The following HEATR1 variants were observed in gnomAD, a reference collection of about 807,000 sequenced individuals.
HEATR1 encodes HEAT repeat containing 1, also known as HEAT repeat-containing protein 1.
A neutral mutation model predicts 248.2 loss-of-function variants in HEATR1; 77 were observed. The observed-to-expected ratio is 0.31, with a 90% confidence interval of 0.26 to 0.37. The LOEUF is 0.37. Among genes scored for constraint, HEATR1 ranks in the 10% least tolerant of loss-of-function variants. The probability of loss-of-function intolerance (pLI) is 1.00; values close to 1 mark genes in which losing one functional copy is unlikely to be tolerated. For missense variants in HEATR1, 2,420 were observed against 2,504.9 expected, an observed-to-expected ratio of 0.97 and a Z score of 0.72; for synonymous variants, 897 against 923.1, an observed-to-expected ratio of 0.97 and a Z score of 0.51.
intron 20 of HEATR1, among the ~76,000 whole-genome samples, chr1:236,580,541 G>A (rs1663693661): frequency 2.0e-5 from 2 of 97,622 alleles, no homozygotes; most frequent in South Asian, 2.9e-4. Flanking sequence ...TTTTGAGACA[G>A]GGTCTTGCTC....
At chr1:236,551,120 T>C (rs1252066704) in intron 44 of HEATR1, 130 bp from the exon 45 acceptor site, 2 of 739,058 alleles carry the variant, frequency 2.7e-6, no homozygotes, top group Non-Finnish European at 4.3e-6. Context: ...ATGAAGCACA[T>C]TAACAAAGCA....
chr1:236,559,019 T>C lies in HEATR1; in HGVS notation c.4887A>G (p.Gln1629=). 2 of 1,610,818 alleles carry C rather than the reference T, an allele frequency of 1.2e-6. No individual in the cohort carries two copies. Among genetic ancestry groups the C allele is most frequent in the Non-Finnish European group, 1.7e-6 (2 of 1,179,166 alleles). The part of the protein sequence containing the change: ...ALDLLNNKLQ[Q]NISWKKTIVT... ...CTATTGTCTTCTTCCAGGATATATT[T>C]TGCTGCAGCTTGTTATTCAAAAGGT... is the stretch of plus-strand genomic sequence containing the variant. The change falls in exon 35 of 45, where the codon CAA becomes CAG. Residue 1629 remains glutamine (Q), a synonymous_variant. Coordinates refer to ENST00000366582, the MANE Select transcript of HEATR1 (RefSeq NM_018072.6).
At chr1:236,582,679 A>T (rs1663784445) in intron 19 of HEATR1, 57 bp downstream of exon 19, 3 of 1,587,648 alleles carry the variant, frequency 1.9e-6, no homozygotes, top group Admixed American at 3.4e-5. Flanking sequence ...CTGGGATTGC[A>T]GGCCAGCCAT....
At chr1:236,585,482 G>A (rs16833991) in intron 16 of HEATR1, among the ~76,000 whole-genome samples, 2,581 of 152,120 alleles carry the variant, frequency 0.017, 15 homozygotes, top group Middle Eastern at 0.075. Context: ...ATAAGGCAAA[G>A]ATAATTTTCT....
intron 4 of HEATR1, 101 bp downstream of exon 4, chr1:236,599,382 T>A (rs1214848342): frequency 1.2e-6 from 1 of 827,088 alleles, no homozygotes; most frequent in Admixed American, 3.2e-5. Context: ...TGGAGGTAGT[T>A]ATCTGGACTA....
rs1663462728 is a variant in HEATR1, at chr1:236,572,801, T to C, written c.3487A>G (p.Ile1163Val). 6.2e-7 allele frequency: 1 copy of C among 1,613,978 alleles called. No homozygotes were observed. The highest frequency in any genetic ancestry group is 8.5e-7 in the Non-Finnish European group (1 of 1,179,850). Residue 1163 changes from isoleucine to valine, a missense_variant, in exon 25 of 45, where the codon ATA (isoleucine) becomes GTA (valine). By Grantham distance (29) the Ile-to-Val change is conservative (BLOSUM62 3). Transcript: ENST00000366582. Reference sequence around the variant, plus strand: ...GCTTTATCTGGTGGCTCCAGTTCTATTCGGACTTGTTCAGCATTAACGGAA... The same window carrying C: ...GCTTTATCTGGTGGCTCCAGTTCTACTCGGACTTGTTCAGCATTAACGGAA... ...GISVNAEQVR[I>V]ELEPPDKAKP... is the part of the protein sequence containing the mutation.
At chr1:236,601,830 T>C (rs1553286589) in intron 3 of HEATR1, among the ~76,000 whole-genome samples, 1 of 144,658 alleles carries the variant, frequency 6.9e-6, no homozygotes, top group Non-Finnish European at 1.5e-5. Context: ...TGACACTCAA[T>C]AAAATAAAAA....
Position 236,602,217 on chromosome 1 carries a change from ATAAAC to A in HEATR1, c.359+938_359+942del, listed in dbSNP as rs1194322839. ...TGATGTGACACCAATATGTGAGAAA[ATAAAC>A]TAAGCTTACTGAGACAATTCCCAAA... On this transcript the variant is annotated intron_variant, in intron 3 of 44. Coordinates refer to ENST00000366582, the MANE Select transcript of HEATR1 (RefSeq NM_018072.6). Among the ~76,000 whole-genome samples, 7 of 152,360 alleles carry A rather than the reference ATAAAC, an allele frequency of 4.6e-5. 1 individual carries two copies. In the East Asian group the frequency reaches 1.3e-3, roughly 29 times the overall value.
rs1206634664 is a variant in HEATR1, at chr1:236,549,298, T to G, written c.*1604A>C. 1.2e-5 allele frequency: 3 copies of G among 244,686 alleles called. No homozygotes were observed. Among genetic ancestry groups the G allele is most frequent in the South Asian group, 3.6e-4 (2 of 5,622 alleles). The allele number at this position is 244,686 out of a possible 1,614,324, so 15.2% of individuals were successfully genotyped here. A position where few individuals can be genotyped will look rare whatever the true frequency, so the allele number is the denominator to read the frequency against. On this transcript the variant is annotated 3_prime_UTR_variant, in exon 45 of 45. Transcript: ENST00000366582. ...TTCCATTTCTGTGATTTTTCTATTA[T>G]TTGAGGGGAGTTGGCAGAAGTTCCA... is the stretch of plus-strand genomic sequence containing the variant.
chr1:236,580,392 A>G (rs922112617), intron 20 of HEATR1, among the ~76,000 whole-genome samples: 1 of 152,316 alleles, frequency 6.6e-6, no homozygotes, highest in Non-Finnish European at 1.5e-5. Flanking sequence ...ATAGCTGATT[A>G]TTAAGAACTC....
rs771375166 is a variant in HEATR1, at chr1:236,592,583, G to C, written c.1244C>G (p.Ser415Cys). 6.5e-7 allele frequency: 1 copy of C among 1,528,604 alleles called. No homozygotes were observed. Among genetic ancestry groups the C allele is most frequent in the Admixed American group, 1.7e-5 (1 of 59,002 alleles). 94.7% of individuals were successfully genotyped at this position (1,528,604 alleles called of 1,614,324 possible). The change falls in exon 10 of 45, where the codon TCT (serine) becomes TGT (cysteine). Residue 415 changes from serine (S) to cysteine (C), a missense_variant. Physicochemically the swap from Ser to Cys is moderately radical, Grantham distance 112. Transcript: ENST00000366582. ...ISYSSQEEMD[S>C]NKVSLLNEQF... is the part of the protein sequence containing the mutation. ...TTCATTAAGCAAAGACACTTTATTA[G>C]AATCCATTTCTTCCTGTGAACTATA... is the stretch of plus-strand genomic sequence containing the variant.
At position 236,596,830 on chromosome 1, in the gene HEATR1, G is replaced by A. The variant is rs761898573; in HGVS notation, c.744+6C>T. 32 of 1,607,964 alleles carry A rather than the reference G, an allele frequency of 2.0e-5. No homozygotes were observed. Among genetic ancestry groups the A allele is most frequent in the Non-Finnish European group, 2.7e-5 (32 of 1,178,138 alleles). On this transcript the variant is annotated splice_donor_region_variant and intron_variant, in intron 6 of 44. Coordinates refer to ENST00000366582, the MANE Select transcript of HEATR1 (RefSeq NM_018072.6). ...ATAATCTACTTAACACATCAGCAGT[G>A]CCAACCTTTTGGATATAGGGAAATA...
At chr1:236,585,743 C>A (rs990538192) in intron 16 of HEATR1, 77 bp downstream of exon 16, 13 of 1,474,022 alleles carry the variant, frequency 8.8e-6, no homozygotes, top group Admixed American at 6.8e-5. Flanking sequence ...TAAGAAAAAT[C>A]TAGTAAAGCA....
chr1:236,574,465 T>C (rs1034763034), intron 23 of HEATR1, 132 bp from the exon 24 acceptor site: 1 of 1,248,712 alleles, frequency 8.0e-7, no homozygotes, highest in Non-Finnish European at 1.1e-6. Context: ...TGCAATTCTT[T>C]TTAATGACCC....
intron 29 of HEATR1, 37 bp downstream of exon 29, chr1:236,568,959 A>C: frequency 7.3e-7 from 1 of 1,374,948 alleles, no homozygotes; most frequent in Non-Finnish European, 9.5e-7. Flanking sequence ...TTTTAAATTA[A>C]AAAAAGAAAC....
chr1:236,582,757 A>C lies in HEATR1; in HGVS notation c.2541T>G (p.Val847=). 1 of 1,614,174 alleles carries C rather than the reference A, an allele frequency of 6.2e-7. No individual in the cohort carries two copies. The highest frequency in any genetic ancestry group is 8.5e-7 in the Non-Finnish European group (1 of 1,180,034). The change falls in exon 19 of 45, where the codon GTT becomes GTG. Residue 847 remains valine, a synonymous_variant. Transcript: ENST00000366582. ...GTACCTTTATGAAAAGTTTCATCAG[A>C]ACTCTGAAATGAACAGCATCGGCAC... is the stretch of plus-strand genomic sequence containing the variant. ...LNGADAVHFR[V]LMKLFIKVHL...
intron 2 of HEATR1, 137 bp from the exon 3 acceptor site, chr1:236,603,513 C>A: frequency 1.5e-6 from 1 of 662,966 alleles, no homozygotes; most frequent in Non-Finnish European, 2.5e-6. Flanking sequence ...CAGTCCCAAA[C>A]ACTGATTTCT....
chr1:236,562,745 C>T (rs1457176623), intron 32 of HEATR1, among the ~76,000 whole-genome samples: 1 of 63,230 alleles, frequency 1.6e-5, no homozygotes, highest in African/African-American at 6.7e-5. Context: ...CTTCTTCATG[C>T]GTAAACACAG....
chr1:236,589,843 T>C lies in HEATR1; in HGVS notation c.1530+1004A>G, dbSNP rs111528249. Among the ~76,000 whole-genome samples, 222 of 152,318 alleles carry C rather than the reference T, an allele frequency of 1.5e-3. 2 individuals are homozygous for C. The highest frequency in any genetic ancestry group is 4.9e-3 in the African/African-American group (205 of 41,578). ...AACTATAGTAAAATGCATATACAAT[T>C]AGCACCTCACACCCACAATTTGAAG... On this transcript the variant is annotated intron_variant, in intron 12 of 44. Coordinates refer to ENST00000366582, the MANE Select transcript of HEATR1 (RefSeq NM_018072.6).
Sources: gnomAD v4.1 joint callset for allele counts (sites outside exome capture counted in the v4.1 genomes callset) on GRCh38, gnomAD v4.1.1 for gene constraint, MANE v1.5 for transcripts, NCBI Gene and HGNC (gene_info 2026-07-23, HGNC 2026-07-21) for gene names.